FABP2: variants seen among roughly 807,000 people sequenced by gnomAD.
FABP2 encodes the protein fatty acid-binding protein, intestinal.
FABP2 carries 11 observed loss-of-function variants against 16.1 expected under a neutral mutation model. That is an observed-to-expected ratio of 0.68 (90% confidence interval 0.43 to 1.13). The LOEUF (loss-of-function observed/expected upper bound fraction) is 1.13. FABP2 is among the 50% of genes most tolerant of loss of function. FABP2 has a pLI of 0.00. For synonymous variants in FABP2, 45 were observed against 50.9 expected (o/e 0.88, Z 0.49); for missense variants, 146 against 155.1 (o/e 0.94, Z 0.31).
In FABP2 at chr4:119,320,802, A is replaced by C; in HGVS notation, c.108T>G (p.Asn36Lys). 3 of 1,602,766 alleles carry C rather than the reference A, an allele frequency of 1.9e-6. No individual in the cohort carries two copies. The highest frequency in any genetic ancestry group is 2.6e-6 in the Non-Finnish European group (3 of 1,176,284). ...CTTCTTGTGTAATTGTCAGCTTCAA[A>C]TTGTCATGAGCTGCAAGCTTCCTTT... ...IVKRKLAAHD[N>K]LKLTITQEGN... is the part of the protein sequence containing the mutation. Residue 36 changes from asparagine (N) to lysine (K), a missense_variant, in exon 2 of 4, where the codon AAT becomes AAG. Physicochemically the swap from Asn to Lys is moderately conservative, Grantham distance 94 (BLOSUM62 0). Coordinates refer to ENST00000274024, the MANE Select transcript of FABP2 (RefSeq NM_000134.4).
chr4:119,319,492 G>T, intron 3 of FABP2, 44 bp downstream of exon 3: 2 of 1,178,570 alleles, frequency 1.7e-6, no homozygotes, highest in South Asian at 1.3e-5. Context: ...TTGTTTTGTA[G>T]TAATTTTTGC....
chr4:119,320,947 T>A (rs1755659496), intron 1 of FABP2, 105 bp from the exon 2 acceptor site: 2 of 888,054 alleles, frequency 2.3e-6, no homozygotes, highest in Non-Finnish European at 3.2e-6. Context: ...GGAAGAAAAC[T>A]CGGTAGCATT....
In FABP2 at chr4:119,318,326, T is replaced by C. The variant is rs1755612366; in HGVS notation, c.*715A>G. On this transcript the variant is annotated 3_prime_UTR_variant, in exon 4 of 4. Transcript: ENST00000274024. ...TTTCTAAGTTTTCTGGTTGAGCATA[T>C]ATTATTTTTATAATAATAGATATTA... 1 of 152,078 alleles carries C rather than the reference T, an allele frequency of 6.6e-6. No individual in the cohort carries two copies. The highest frequency in any genetic ancestry group is 6.6e-5 in the Admixed American group (1 of 15,244). 9.4% of individuals were successfully genotyped at this position (152,078 alleles called of 1,614,324 possible).
chr4:119,320,250 A>G (rs544791274), intron 2 of FABP2, among the ~76,000 whole-genome samples: 1 of 152,086 alleles, frequency 6.6e-6, no homozygotes, highest in Non-Finnish European at 1.5e-5. Flanking sequence ...CAATACATCA[A>G]ATCTTTCCAT....
In FABP2 at chr4:119,318,345, G is replaced by A. The variant is rs1055894274; in HGVS notation, c.*696C>T. Reference sequence around the variant, plus strand: ...AGCATATATTATTTTTATAATAATAGATATTACTTACAACCAGTGCCAGAA... The same window carrying A: ...AGCATATATTATTTTTATAATAATAAATATTACTTACAACCAGTGCCAGAA... On this transcript the variant is annotated 3_prime_UTR_variant, in exon 4 of 4. Coordinates refer to ENST00000274024, the MANE Select transcript of FABP2 (RefSeq NM_000134.4). 1 of 151,682 alleles carries A rather than the reference G, an allele frequency of 6.6e-6. No homozygotes were observed. The highest frequency in any genetic ancestry group is 2.4e-5 in the African/African-American group (1 of 41,288). 9.4% of individuals were successfully genotyped at this position (151,682 alleles called of 1,614,324 possible).
In FABP2 at chr4:119,319,106, C is replaced by A. The variant is rs775695861; in HGVS notation, c.349-15G>T. On this transcript the variant is annotated splice_polypyrimidine_tract_variant and intron_variant, in intron 3 of 3. Coordinates refer to ENST00000274024, the MANE Select transcript of FABP2 (RefSeq NM_000134.4). The stretch of plus-strand genomic sequence containing the variant: ...TATACATAAGTCTGAAAGGTGTTAA[C>A]AAACAGAAGAATTTATCTTTAAGGT... 1 of 1,551,602 alleles carries A rather than the reference C, an allele frequency of 6.4e-7. No homozygotes were observed. The highest frequency in any genetic ancestry group is 8.8e-7 in the Non-Finnish European group (1 of 1,140,950).
Position 119,322,024 on chromosome 4 carries a change from T to TA in FABP2, c.67+11dup, listed in dbSNP as rs1440144418. ...AAGCAAAGAATGAGCCACAAAGAAATAAAGTCTTTACCCATTTTTTCCATG... is the reference window on the plus strand; with the variant it reads ...AAGCAAAGAATGAGCCACAAAGAAATAAAAGTCTTTACCCATTTTTTCCATG... On this transcript the variant is annotated intron_variant, in intron 1 of 3. Transcript: ENST00000274024. 3 of 1,606,326 alleles carry TA rather than the reference T, an allele frequency of 1.9e-6. No individual in the cohort carries two copies. The highest frequency in any genetic ancestry group is 2.6e-6 in the Non-Finnish European group (3 of 1,174,614).
chr4:119,320,990 C>T lies in FABP2; in HGVS notation c.68-148G>A, dbSNP rs10006259. ...CACAAGAACATTCAGATTGCTTCTA[C>T]AGAAGTTCAGGTTCAATCAGATCAA... is the stretch of plus-strand genomic sequence containing the variant. On this transcript the variant is annotated intron_variant, in intron 1 of 3. Transcript: ENST00000274024. 0.31 allele frequency: 188,488 copies of T among 606,770 alleles called. 30,527 individuals are homozygous for T. Among genetic ancestry groups the T allele is most frequent in the African/African-American group, 0.38 (19,520 of 51,224 alleles). 37.6% of individuals were successfully genotyped at this position (606,770 alleles called of 1,614,324 possible).
rs1426111249 is a variant in FABP2 at position 119,318,058 on chromosome 4, T to A, written c.*983A>T. 4 of 152,062 alleles carry A rather than the reference T, an allele frequency of 2.6e-5. No homozygotes were observed. Among genetic ancestry groups the A allele is most frequent in the Non-Finnish European group, 4.4e-5 (3 of 67,964 alleles). 9.4% of individuals were successfully genotyped at this position (152,062 alleles called of 1,614,324 possible). A position where few individuals can be genotyped will look rare whatever the true frequency, so the allele number is the denominator to read the frequency against. ...ATTAAGAATGCAGAAATTGTTTAAG[T>A]TTCTCAGATGATCCTGATTTTCAGC... On this transcript the variant is annotated 3_prime_UTR_variant, in exon 4 of 4. Transcript: ENST00000274024.
Position 119,317,546 on chromosome 4 carries a change from A to T in FABP2, c.*1495T>A, listed in dbSNP as rs1403031356. 5 of 152,098 alleles carry T rather than the reference A, an allele frequency of 3.3e-5. No individual in the cohort carries two copies. The highest frequency in any genetic ancestry group is 4.8e-5 in the African/African-American group (2 of 41,426). 9.4% of individuals were successfully genotyped at this position (152,098 alleles called of 1,614,324 possible). ...TACATACTCTCTATTCATTTTCATC[A>T]GGTACTCAAACATTTTTCTTCCTAC... On this transcript the variant is annotated 3_prime_UTR_variant, in exon 4 of 4. Transcript: ENST00000274024.
At position 119,320,097 on chromosome 4, in the gene FABP2, CAGT is replaced by C. The variant is rs571422492; in HGVS notation, c.241-457_241-455del. Among the ~76,000 whole-genome samples, 698 of 152,034 alleles carry C rather than the reference CAGT, an allele frequency of 4.6e-3. 12 individuals are homozygous for C. Among genetic ancestry groups the C allele is most frequent in the Non-Finnish European group, 4.1e-3 (277 of 67,922 alleles). ...AAGACATAACTTATGATAAAACATT[CAGT>C]AGTTAAATTGTCATTACAAACATGT... On this transcript the variant is annotated intron_variant, in intron 2 of 3. Coordinates refer to ENST00000274024, the MANE Select transcript of FABP2 (RefSeq NM_000134.4).
intron 1 of FABP2, among the ~76,000 whole-genome samples, chr4:119,321,577 T>G (rs955711308): frequency 2.0e-5 from 3 of 152,164 alleles, no homozygotes; most frequent in Admixed American, 2.0e-4. Flanking sequence ...CAAAACTTTT[T>G]TAAGTTAGAA....
chr4:119,319,461 G>T, intron 3 of FABP2, 75 bp downstream of exon 3: 1 of 803,528 alleles, frequency 1.2e-6, no homozygotes, highest in Non-Finnish European at 2.1e-6. Flanking sequence ...TGAAGATCTG[G>T]CTCAGCAGTG....
intron 3 of FABP2, among the ~76,000 whole-genome samples, 182 bp downstream of exon 3, chr4:119,319,354 C>T (rs1179209883): frequency 6.6e-6 from 1 of 151,376 alleles, no homozygotes; most frequent in Non-Finnish European, 1.5e-5. Context: ...GATTATTTGA[C>T]ATATATAAGT....
intron 1 of FABP2, 127 bp from the exon 2 acceptor site, chr4:119,320,969 A>G: frequency 3.0e-6 from 2 of 670,110 alleles, no homozygotes; most frequent in South Asian, 4.7e-5. Context: ...CCTTTGCACA[A>G]GAACATTCAG....
rs375920710 is a variant in FABP2 at position 119,319,580 on chromosome 4, C to T, written c.304G>A (p.Glu102Lys). 1.3e-4 allele frequency: 202 copies of T among 1,552,044 alleles called. No individual in the cohort carries two copies. The highest frequency in any genetic ancestry group is 1.4e-4 in the Non-Finnish European group (163 of 1,149,356). ...GKFKRTDNGN[E>K]LNTVREIIGD... Reference sequence around the variant, plus strand: ...ATAATTTCTCGGACAGTATTCAGTTCGTTTCCATTGTCTGTCCGTTTGAAT... The same window carrying T: ...ATAATTTCTCGGACAGTATTCAGTTTGTTTCCATTGTCTGTCCGTTTGAAT... The change falls in exon 3 of 4, where the codon GAA becomes AAA. Residue 102 changes from glutamate (E) to lysine (K), a missense_variant. Transcript: ENST00000274024.
chr4:119,319,705 T>G, intron 2 of FABP2, 62 bp from the exon 3 acceptor site: 1 of 731,496 alleles, frequency 1.4e-6, no homozygotes, highest in Non-Finnish European at 1.9e-6. Flanking sequence ...CTTACACATG[T>G]CAGGCACTGT....
Position 119,322,051 on chromosome 4 carries a change from A to C in FABP2, c.52T>G (p.Phe18Val). ...KVDRSENYDKFMEKMGVNIVK... is the reference protein window; with the variant it reads ...KVDRSENYDKVMEKMGVNIVK... ...AAGTCTTTACCCATTTTTTCCATGAACTTGTCATAGTTTTCACTCCGGTCT... is the reference window on the plus strand; with the variant it reads ...AAGTCTTTACCCATTTTTTCCATGACCTTGTCATAGTTTTCACTCCGGTCT... Residue 18 changes from phenylalanine (F) to valine (V), a missense_variant, in exon 1 of 4, where the codon TTC (phenylalanine) becomes GTC (valine). Coordinates refer to ENST00000274024, the MANE Select transcript of FABP2 (RefSeq NM_000134.4). The C allele has an allele frequency of 2.5e-6, 4 of 1,612,326 alleles. No individual in the cohort carries two copies. Among genetic ancestry groups the C allele is most frequent in the Non-Finnish European group, 3.4e-6 (4 of 1,179,340 alleles).
intron 1 of FABP2, 82 bp downstream of exon 1, chr4:119,321,954 A>C (rs1275492839): frequency 9.0e-7 from 1 of 1,112,990 alleles, no homozygotes; most frequent in Non-Finnish European, 1.3e-6. Context: ...AGCTATCTGT[A>C]ATCTCCTAGA....
Sources: gnomAD v4.1 joint callset for allele counts (sites outside exome capture counted in the v4.1 genomes callset) on GRCh38, gnomAD v4.1.1 for gene constraint, MANE v1.5 for transcripts, NCBI Gene and HGNC (gene_info 2026-07-23, HGNC 2026-07-21) for gene names.